The following PLEKHA1 variants were observed in gnomAD, a reference collection of about 807,000 sequenced individuals.
The protein encoded by PLEKHA1 is pleckstrin homology domain-containing family A member 1.
Under a neutral mutation model 52.0 loss-of-function variants are expected in PLEKHA1, and 34 were observed. That is an observed-to-expected ratio of 0.65 (90% confidence interval 0.50 to 0.87). The LOEUF (loss-of-function observed/expected upper bound fraction) is 0.87. Among genes scored for constraint, PLEKHA1 ranks in the 40% least tolerant of loss-of-function variants. The pLI, the probability that PLEKHA1 is intolerant of heterozygous loss-of-function variation, is 0.00. For synonymous variants in PLEKHA1, 163 were observed against 170.7 expected (o/e 0.95, Z 0.35); for missense variants, 497 against 504.2 (o/e 0.99, Z 0.14).
chr10:122,384,838 C>G (rs1352981824), intron 1 of PLEKHA1, among the ~76,000 whole-genome samples: 1 of 151,988 alleles, frequency 6.6e-6, no homozygotes, highest in African/African-American at 2.4e-5. Context: ...TGCCTGTAAT[C>G]TTAGCTACTC....
At chr10:122,433,708 A>C (rs890823847), downstream of PLEKHA1, 1 of 152,136 alleles carries the variant, frequency 6.6e-6, no homozygotes, top group Non-Finnish European at 1.5e-5. Flanking sequence ...GATGGAATAC[A>C]TTGTCCTAGA....
At chr10:122,429,059 A>C (rs542263842) in intron 11 of PLEKHA1, among the ~76,000 whole-genome samples, 2 of 152,186 alleles carry the variant, frequency 1.3e-5, no homozygotes, top group Non-Finnish European at 2.9e-5. Flanking sequence ...AAATGAAAAG[A>C]CTGTGCTATT....
intron 3 of PLEKHA1, 78 bp from the exon 4 acceptor site, chr10:122,400,265 G>A (rs2096908997): frequency 1.8e-6 from 2 of 1,087,328 alleles, no homozygotes; most frequent in Non-Finnish European, 2.6e-6. Flanking sequence ...TCATACATGT[G>A]GAAGTTTACA....
chr10:122,429,871 G>C lies in PLEKHA1; in HGVS notation c.1148G>C (p.Gly383Ala), dbSNP rs964382141. ...CTGTTAAGACCTCAAAGTAAAAATG[G>C]CCCTCAGGAAAAAGATTGTGACCTA... The part of the protein sequence containing the change: ...QALLRPQSKN[G>A]PQEKDCDLVD... The change falls in exon 12 of 12, where the codon GGC (glycine) becomes GCC (alanine). Residue 383 changes from glycine to alanine, a missense_variant. Transcript: ENST00000368990. 2 of 1,614,014 alleles carry C rather than the reference G, an allele frequency of 1.2e-6. No homozygotes were observed. Among genetic ancestry groups the C allele is most frequent in the African/African-American group, 2.7e-5 (2 of 74,914 alleles).
rs772707373 is a variant in PLEKHA1, at chr10:122,427,042, TG to T, written c.900+12del. Reference sequence around the variant, plus strand: ...AGATCTGCGTCTTCTGTAGGTTTCCTGCTCTCTGGGGTGATACTCCCTTGCG... The same window carrying T: ...AGATCTGCGTCTTCTGTAGGTTTCCTCTCTCTGGGGTGATACTCCCTTGCG... On this transcript the variant is annotated intron_variant, in intron 11 of 11. Coordinates refer to ENST00000368990, the MANE Select transcript of PLEKHA1 (RefSeq NM_001001974.4). The T allele has an allele frequency of 8.3e-5, 134 of 1,608,580 alleles. 1 individual carries two copies. The highest frequency in any genetic ancestry group is 1.2e-4 in the Admixed American group (7 of 59,984).
chr10:122,399,879 C>T (rs2096904076), intron 3 of PLEKHA1, among the ~76,000 whole-genome samples: 1 of 152,128 alleles, frequency 6.6e-6, no homozygotes, highest in African/African-American at 2.4e-5. Context: ...GCCACTGTGC[C>T]CAGCCTAGAT....
At chr10:122,394,224 G>A (rs1305890025) in intron 2 of PLEKHA1, among the ~76,000 whole-genome samples, 2 of 151,662 alleles carry the variant, frequency 1.3e-5, no homozygotes, top group African/African-American at 4.8e-5. Context: ...ACAGGGGTGT[G>A]CCACCACACC....
In PLEKHA1 at chr10:122,393,761, AGG is replaced by A. The variant is rs1028434136; in HGVS notation, c.141+422_141+423del. ...TCTTGCATTAAGGAGGCTTAATACC[AGG>A]GTCCCTTTAGTGAGATTAAATTTAG... is the stretch of plus-strand genomic sequence containing the variant. On this transcript the variant is annotated intron_variant, in intron 2 of 11. Coordinates refer to ENST00000368990, the MANE Select transcript of PLEKHA1 (RefSeq NM_001001974.4). The surrounding 1 kb of genome is among the most constrained non-coding windows in gnomAD (Gnocchi z 4.5). Among the ~76,000 whole-genome samples the A allele has an allele frequency of 6.6e-6, 1 of 152,218 alleles. No homozygotes were observed. Among genetic ancestry groups the A allele is most frequent in the African/African-American group, 2.4e-5 (1 of 41,464 alleles).
intron 10 of PLEKHA1, 127 bp downstream of exon 10, chr10:122,425,086 C>T (rs1353779200): frequency 2.6e-6 from 2 of 769,330 alleles, no homozygotes; most frequent in African/African-American, 3.6e-5. Flanking sequence ...AATTCACCAG[C>T]TTAATAAAAG....
At chr10:122,421,366 A>G (rs1298022069) in intron 8 of PLEKHA1, 1 of 152,184 alleles carries the variant, frequency 6.6e-6, no homozygotes, top group Non-Finnish European at 1.5e-5. Context: ...GTCAAGGAAT[A>G]ATGAGGAACT....
chr10:122,421,096 AG>A (rs1417843290), intron 8 of PLEKHA1: 1 of 152,190 alleles, frequency 6.6e-6, no homozygotes, highest in African/African-American at 2.4e-5. Flanking sequence ...GTGTTGTACA[AG>A]GGGGAAAAGA....
In PLEKHA1 at chr10:122,424,179, T is replaced by TC. The variant is rs2097304390; in HGVS notation, c.682-20_682-19insC. The TC allele has an allele frequency of 2.1e-6, 3 of 1,444,484 alleles. No homozygotes were observed. Among genetic ancestry groups the TC allele is most frequent in the African/African-American group, 2.4e-5 (1 of 41,696 alleles). 89.5% of individuals were successfully genotyped at this position (1,444,484 alleles called of 1,614,324 possible). A position where few individuals can be genotyped will look rare whatever the true frequency, so the allele number is the denominator to read the frequency against. On this transcript the variant is annotated intron_variant, in intron 8 of 11. Transcript: ENST00000368990. ...ATAAACATCATGTAACTGTTTTTTT[T>TC]TTTTTTTTTTTTTTGCCAGGAAAAG...
At chr10:122,384,666 T>A (rs1370842419) in intron 1 of PLEKHA1, among the ~76,000 whole-genome samples, 1 of 151,718 alleles carries the variant, frequency 6.6e-6, no homozygotes, top group East Asian at 1.9e-4. Context: ...TTAAAATTGT[T>A]ACTGCTCCAG....
At chr10:122,439,773 A>G in the PLEKHA1 span, 4 of 152,142 alleles carry the variant, frequency 2.6e-5, no homozygotes, top group Admixed American at 2.0e-4. Flanking sequence ...TATACTCCTT[A>G]AAGAGTTAGT....
intron 8 of PLEKHA1, chr10:122,420,315 A>G (rs558055525): frequency 3.3e-5 from 5 of 152,358 alleles, no homozygotes; most frequent in East Asian, 1.9e-4. Context: ...AAAAATGTTT[A>G]AAGTGTAAAT....
chr10:122,424,797 T>G (rs921528403), intron 9 of PLEKHA1, 99 bp from the exon 10 acceptor site: 7 of 822,118 alleles, frequency 8.5e-6, no homozygotes, highest in Non-Finnish European at 1.3e-5. Flanking sequence ...GTGCTTTACC[T>G]CATTTATTTA....
chr10:122,385,019 A>C (rs2096669214), intron 1 of PLEKHA1, among the ~76,000 whole-genome samples: 1 of 152,096 alleles, frequency 6.6e-6, no homozygotes, highest in African/African-American at 2.4e-5. Flanking sequence ...ACATTCAATA[A>C]ACTCTATCTG....
intron 1 of PLEKHA1, among the ~76,000 whole-genome samples, chr10:122,378,503 A>C (rs2096568631): frequency 6.6e-6 from 1 of 151,894 alleles, no homozygotes; most frequent in Non-Finnish European, 1.5e-5. Flanking sequence ...CAGAAAGCCG[A>C]GGTGGGAGGA....
chr10:122,426,870 T>A, intron 10 of PLEKHA1, 72 bp from the exon 11 acceptor site: 1 of 1,264,866 alleles, frequency 7.9e-7, no homozygotes, highest in Non-Finnish European at 1.1e-6. Flanking sequence ...GTTATCAAAA[T>A]AAATACATTG....
Sources: allele counts gnomAD v4.1 joint callset (sites outside exome capture counted in the v4.1 genomes callset), GRCh38; gene constraint gnomAD v4.1.1; non-coding constraint Gnocchi (gnomAD v3.1); transcripts MANE v1.5; gene names NCBI Gene and HGNC (gene_info 2026-07-23, HGNC 2026-07-21).